Variants in SHQ1 observed in about 807,000 individuals in gnomAD.
The protein encoded by SHQ1 is protein SHQ1 homolog.
In SHQ1, 49 loss-of-function variants were observed where a neutral mutation model predicts 53.8. The observed-to-expected ratio is 0.91, with a 90% CI of 0.72 to 1.16. The LOEUF (loss-of-function observed/expected upper bound fraction) is 1.16, where lower values mean the gene tolerates loss of function less well. Among genes scored for constraint, SHQ1 ranks in the 50% most tolerant of loss-of-function variants. The pLI is 0.00. For synonymous variants in SHQ1, 243 were observed against 251.0 expected (o/e 0.97, Z 0.30); for missense variants, 738 against 683.1 (o/e 1.08, Z -0.90).
the SHQ1 span, among the ~76,000 whole-genome samples, chr3:72,742,243 A>G: frequency 6.6e-6 from 1 of 152,114 alleles, no homozygotes; most frequent in Non-Finnish European, 1.5e-5. Context: ...AAAACGAAAT[A>G]AACTATGCTG....
intron 10 of SHQ1, among the ~76,000 whole-genome samples, chr3:72,761,782 T>C (rs1705614794): frequency 6.8e-6 from 1 of 146,240 alleles, no homozygotes; most frequent in Non-Finnish European, 1.5e-5. Context: ...GATGTCATAT[T>C]ATCACAGAAA....
At chr3:72,841,479 C>T (rs113189425) in intron 3 of SHQ1, among the ~76,000 whole-genome samples, 1,534 of 152,138 alleles carry the variant, frequency 0.01, 29 homozygotes, top group African/African-American at 0.033. Context: ...TGAAAGCAGC[C>T]AGACAAAAAG....
rs1706486586 is a variant in SHQ1, at chr3:72,792,913, T to C, written c.1181+3A>G. 4 of 1,606,596 alleles carry C rather than the reference T, an allele frequency of 2.5e-6. No individual in the cohort carries two copies. The highest frequency in any genetic ancestry group is 2.5e-6 in the Non-Finnish European group (3 of 1,178,022). ...ATTCGTAAGTAACTCTATGAAAACT[T>C]ACTTGACTTTCTGAATCCACACACA... is the stretch of plus-strand genomic sequence containing the variant. On this transcript the variant is annotated splice_donor_region_variant and intron_variant, in intron 10 of 10. Coordinates refer to ENST00000325599, the MANE Select transcript of SHQ1 (RefSeq NM_018130.3).
At chr3:72,798,158 C>T (rs1409545652) in intron 9 of SHQ1, among the ~76,000 whole-genome samples, 3 of 152,134 alleles carry the variant, frequency 2.0e-5, no homozygotes, top group African/African-American at 7.2e-5. Context: ...AGGAAAGTGA[C>T]CATTTTTAGG....
At chr3:72,733,705 C>T in the SHQ1 span, among the ~76,000 whole-genome samples, 4 of 151,724 alleles carry the variant, frequency 2.6e-5, no homozygotes, top group East Asian at 1.9e-4. Flanking sequence ...AGCTGGTAGG[C>T]GGTAAATCCC....
chr3:72,767,780 A>G (rs1705761986), intron 10 of SHQ1, among the ~76,000 whole-genome samples: 1 of 152,230 alleles, frequency 6.6e-6, no homozygotes. Context: ...TACTAAATAT[A>G]GGAATACACA....
chr3:72,848,280 C>T lies in SHQ1; in HGVS notation c.61G>A (p.Val21Met), dbSNP rs754842146. ...AACTCGGAGACCCGGGCGTAGGGCA[C>T]GCGGATGGCGATAGTCAGGAAGTCC... ...DPDFLTIAIR[V>M]PYARVSEFDV... Residue 21 changes from valine to methionine, a missense_variant, in exon 1 of 11, where the codon GTG (valine) becomes ATG (methionine). By Grantham distance (21) the Val-to-Met change is conservative (BLOSUM62 1). Coordinates refer to ENST00000325599, the MANE Select transcript of SHQ1 (RefSeq NM_018130.3). The T allele has an allele frequency of 1.2e-6, 2 of 1,614,178 alleles. No individual in the cohort carries two copies. The highest frequency in any genetic ancestry group is 2.2e-5 in the South Asian group (2 of 91,084).
intron 9 of SHQ1, among the ~76,000 whole-genome samples, chr3:72,810,710 G>A (rs750382808): frequency 1.3e-5 from 2 of 152,118 alleles, no homozygotes; most frequent in Non-Finnish European, 2.9e-5. Flanking sequence ...CTCTTCAGCG[G>A]CAATAATGGC....
chr3:72,842,681 T>C (rs1460097833), intron 2 of SHQ1, among the ~76,000 whole-genome samples: 2 of 152,236 alleles, frequency 1.3e-5, no homozygotes, highest in African/African-American at 4.8e-5. Context: ...AATTCTATTT[T>C]ACAGGCTCTA....
intron 10 of SHQ1, among the ~76,000 whole-genome samples, chr3:72,765,974 T>C (rs938949629): frequency 2.0e-5 from 3 of 152,026 alleles, no homozygotes; most frequent in African/African-American, 7.2e-5. Context: ...TAACAGATCA[T>C]AAAAAGTAAG....
At chr3:72,794,072 G>T (rs767195787) in intron 9 of SHQ1, 12 of 152,132 alleles carry the variant, frequency 7.9e-5, no homozygotes, top group Non-Finnish European at 1.6e-4. Context: ...TCTACATCTA[G>T]AGTAGTACCA....
chr3:72,848,069 G>C, intron 1 of SHQ1, 129 bp downstream of exon 1: 1 of 1,144,216 alleles, frequency 8.7e-7, no homozygotes, highest in Non-Finnish European at 1.3e-6. Flanking sequence ...CTGGCACCAA[G>C]AGAAGCTGCG....
chr3:72,805,658 A>G (rs182527332), intron 9 of SHQ1, among the ~76,000 whole-genome samples: 3 of 152,186 alleles, frequency 2.0e-5, no homozygotes, highest in Admixed American at 2.0e-4. Context: ...AATATAGTGT[A>G]GATTTAAATT....
At chr3:72,778,679 T>A (rs1706010283) in intron 10 of SHQ1, among the ~76,000 whole-genome samples, 1 of 152,118 alleles carries the variant, frequency 6.6e-6, no homozygotes, top group Non-Finnish European at 1.5e-5. Flanking sequence ...CCTCCATAGA[T>A]AACTGAACCC....
At position 72,749,345 on chromosome 3, in the gene SHQ1, C is replaced by T. The variant is rs560962544; in HGVS notation, c.*939G>A. On this transcript the variant is annotated 3_prime_UTR_variant, in exon 11 of 11. Transcript: ENST00000325599. ...AACTGGAAACAACCCAGGTGTCCAT[C>T]GATAGGTCAATGAACAAATCTATTC... 19 of 228,914 alleles carry T rather than the reference C, an allele frequency of 8.3e-5. No individual in the cohort carries two copies. Among genetic ancestry groups the T allele is most frequent in the Non-Finnish European group, 1.3e-4 (15 of 115,450 alleles). The allele number at this position is 228,914 out of a possible 1,614,324, so 14.2% of individuals were successfully genotyped here. A position where few individuals can be genotyped will look rare whatever the true frequency, so the allele number is the denominator to read the frequency against.
intron 8 of SHQ1, among the ~76,000 whole-genome samples, chr3:72,813,684 C>T (rs563664431): frequency 6.7e-6 from 1 of 149,872 alleles, no homozygotes; most frequent in African/African-American, 2.5e-5. Flanking sequence ...TGGCGTGAAC[C>T]CAGGAGGCGG....
At chr3:72,791,464 AG>A (rs1249404546) in intron 10 of SHQ1, among the ~76,000 whole-genome samples, 1 of 152,190 alleles carries the variant, frequency 6.6e-6, no homozygotes, top group East Asian at 1.9e-4. Context: ...CAACAGGTAT[AG>A]CCTCAAGTTT....
chr3:72,819,530 T>C (rs1707415938), intron 6 of SHQ1, among the ~76,000 whole-genome samples: 1 of 152,146 alleles, frequency 6.6e-6, no homozygotes, highest in Non-Finnish European at 1.5e-5. Flanking sequence ...CTCTTTAAGA[T>C]TAAATTTATT....
downstream of SHQ1, among the ~76,000 whole-genome samples, chr3:72,748,961 A>G (rs755419294): frequency 1.2e-4 from 15 of 128,436 alleles, no homozygotes; most frequent in Non-Finnish European, 2.2e-4. Flanking sequence ...TCTCAAACAC[A>G]CACGCACACG....
Sources: allele counts gnomAD v4.1 joint callset (sites outside exome capture counted in the v4.1 genomes callset), GRCh38; gene constraint gnomAD v4.1.1; transcripts MANE v1.5; gene names NCBI Gene and HGNC (gene_info 2026-07-23, HGNC 2026-07-21).